Variants in YIPF3 observed in about 807,000 individuals in gnomAD.
YIPF3 encodes Yip1 domain family member 3.
Under a neutral mutation model 40.3 loss-of-function variants are expected in YIPF3, and 18 were observed. That is an observed-to-expected ratio of 0.45 (90% CI 0.31 to 0.66). The LOEUF (loss-of-function observed/expected upper bound fraction) is 0.66, where lower values mean the gene tolerates loss of function less well. YIPF3 is among the 30% of genes least tolerant of loss of function. YIPF3 has a pLI of 0.07. For missense variants in YIPF3, 406 were observed against 452.2 expected, an observed-to-expected ratio of 0.90 and a Z score of 0.93; for synonymous variants, 190 against 179.6, an observed-to-expected ratio of 1.06 and a Z score of -0.46.
At chr6:43,513,493 C>T in intron 4 of YIPF3, 42 bp from the exon 5 acceptor site, 1 of 1,613,502 alleles carries the variant, frequency 6.2e-7, no homozygotes. Flanking sequence ...GGTACAACAG[C>T]TCATCTGTTT....
chr6:43,516,649 C>T lies in YIPF3; in HGVS notation c.81+78G>A, dbSNP rs552499418. 3.1e-5 allele frequency: 47 copies of T among 1,540,236 alleles called. No individual in the cohort carries two copies. The African/African-American group carries it at 6.2e-4, about 20-fold the overall frequency. On this transcript the variant is annotated intron_variant, in intron 1 of 8. Transcript: ENST00000372422. ...TGTAAATGGAGCGGACTTCCAGGCC[C>T]AGAGGGGGAATCCCCAAGACACTTC...
chr6:43,513,075 T>A lies in YIPF3; in HGVS notation c.660A>T (p.Ala220=). 1 of 1,613,992 alleles carries A rather than the reference T, an allele frequency of 6.2e-7. No homozygotes were observed. The highest frequency in any genetic ancestry group is 1.1e-5 in the South Asian group (1 of 91,084). The part of the protein sequence containing the change: ...NAQITMLQML[A]LLGYGLFGHC... ...ACCACACCTGGCTCCTTACCAGCAG[T>A]GCCAACATCTGCAGCATGGTGATCT... Residue 220 remains alanine (A), a synonymous_variant, in exon 6 of 9, where the codon GCA becomes GCT. Coordinates refer to ENST00000372422, the MANE Select transcript of YIPF3 (RefSeq NM_015388.4).
At chr6:43,514,432 G>T (rs1245534093) in intron 3 of YIPF3, among the ~76,000 whole-genome samples, 1 of 152,154 alleles carries the variant, frequency 6.6e-6, no homozygotes, top group African/African-American at 2.4e-5. Flanking sequence ...AGGCACTTTC[G>T]AGTATTTTCT....
chr6:43,515,445 T>C (rs1582174738), intron 3 of YIPF3, 150 bp downstream of exon 3: 2 of 752,248 alleles, frequency 2.7e-6, no homozygotes, highest in Admixed American at 4.0e-5. Context: ...TGTGCTATTA[T>C]TACTTGTTTC....
rs1301942070 is a variant in YIPF3, at chr6:43,512,892, G to A, written c.667-18C>T. 11 of 1,610,328 alleles carry A rather than the reference G, an allele frequency of 6.8e-6. No individual in the cohort carries two copies. Among genetic ancestry groups the A allele is most frequent in the African/African-American group, 1.3e-5 (1 of 74,836 alleles). On this transcript the variant is annotated intron_variant, in intron 6 of 8. Transcript: ENST00000372422. ...CCATAGCCCTGGGAAGGAGGATGGTGGAGAGGAAAATCATTCAGGTTGGGC... is the reference window on the plus strand; with the variant it reads ...CCATAGCCCTGGGAAGGAGGATGGTAGAGAGGAAAATCATTCAGGTTGGGC...
At chr6:43,514,633 G>A (rs939639016) in intron 3 of YIPF3, among the ~76,000 whole-genome samples, 4 of 152,154 alleles carry the variant, frequency 2.6e-5, no homozygotes, top group Non-Finnish European at 5.9e-5. Context: ...GTACTGTACT[G>A]TAACTGCACT....
intron 3 of YIPF3, 82 bp downstream of exon 3, chr6:43,515,513 G>GC: frequency 4.8e-6 from 7 of 1,445,314 alleles, no homozygotes; most frequent in Non-Finnish European, 6.8e-6. Context: ...GCCCATCAGA[G>GC]CCCAGGGCTT....
intron 1 of YIPF3, 107 bp downstream of exon 1, chr6:43,516,620 G>GTT: frequency 7.4e-7 from 1 of 1,351,268 alleles, no homozygotes. Flanking sequence ...AAAGAAGAGA[G>GTT]TTTTGTAAAT....
chr6:43,516,338 A>C, intron 1 of YIPF3: 1 of 906,136 alleles, frequency 1.1e-6, no homozygotes, highest in African/African-American at 1.7e-5. Context: ...TATGTTACCT[A>C]TCAAAGACTA....
At chr6:43,512,939 G>A (rs1010102055) in intron 6 of YIPF3, 65 bp from the exon 7 acceptor site, 66 of 1,594,360 alleles carry the variant, frequency 4.1e-5, no homozygotes, top group Middle Eastern at 3.6e-4. Context: ...CCCTCATGGG[G>A]ACCCTGGGAA....
intron 3 of YIPF3, among the ~76,000 whole-genome samples, chr6:43,514,392 C>T (rs753559537): frequency 3.3e-5 from 5 of 152,214 alleles, no homozygotes; most frequent in African/African-American, 7.2e-5. Context: ...ATAGTAAAAA[C>T]GCCTCCTCTT....
chr6:43,512,547 G>C lies in YIPF3; in HGVS notation c.797C>G (p.Ser266Cys). ...CCGCTGTGTGGGGCCCACGGTCCGA[G>C]ACACCAACACTGCTACCTAGGACCA... ...STLRMVAVLV[S>C]RTVGPTQRLL... Residue 266 changes from serine to cysteine, a missense_variant, in exon 8 of 9, where the codon TCT becomes TGT. Coordinates refer to ENST00000372422, the MANE Select transcript of YIPF3 (RefSeq NM_015388.4). 1 of 1,611,666 alleles carries C rather than the reference G, an allele frequency of 6.2e-7. No individual in the cohort carries two copies. The highest frequency in any genetic ancestry group is 1.1e-5 in the South Asian group (1 of 90,780).
chr6:43,512,033 G>A lies in YIPF3; in HGVS notation c.*134C>T, dbSNP rs1792678532. On this transcript the variant is annotated 3_prime_UTR_variant, in exon 9 of 9. Transcript: ENST00000372422. Reference sequence around the variant, plus strand: ...CAGAAGTGCCGACAGGCATCAAGGAGGTACTTACGCAGCTACAGCTCAGTG... The same window carrying A: ...CAGAAGTGCCGACAGGCATCAAGGAAGTACTTACGCAGCTACAGCTCAGTG... 1 of 1,385,094 alleles carries A rather than the reference G, an allele frequency of 7.2e-7. No homozygotes were observed. Among genetic ancestry groups the A allele is most frequent in the South Asian group, 1.3e-5 (1 of 74,216 alleles). The allele number at this position is 1,385,094 out of a possible 1,614,324, so 85.8% of individuals were successfully genotyped here. A position where few individuals can be genotyped will look rare whatever the true frequency, so the allele number is the denominator to read the frequency against.
intron 1 of YIPF3, 168 bp downstream of exon 1, chr6:43,516,559 G>T: frequency 1.3e-6 from 1 of 782,848 alleles, no homozygotes; most frequent in Non-Finnish European, 2.0e-6. Context: ...TAGTAGTCTG[G>T]CCCTTTCAGG....
chr6:43,514,732 G>A (rs1329596233), intron 3 of YIPF3, among the ~76,000 whole-genome samples: 1 of 152,200 alleles, frequency 6.6e-6, no homozygotes, highest in African/African-American at 2.4e-5. Context: ...ATAAATACCT[G>A]CTGAGTGGTC....
chr6:43,515,934 G>A lies in YIPF3; in HGVS notation c.243C>T (p.Gly81=), dbSNP rs771202461. The A allele has an allele frequency of 7.4e-6, 12 of 1,612,666 alleles. No individual in the cohort carries two copies. Among genetic ancestry groups the A allele is most frequent in the Admixed American group, 1.7e-5 (1 of 59,756 alleles). Residue 81 remains glycine (G), a synonymous_variant, in exon 2 of 9, where the codon GGC becomes GGT. Coordinates refer to ENST00000372422, the MANE Select transcript of YIPF3 (RefSeq NM_015388.4). ...AAEEEDGEFL[G]MKGFKGQLSR... is the part of the protein sequence containing the mutation. Reference sequence around the variant, plus strand: ...TCAGCTGTCCCTTAAAGCCCTTCATGCCCAGGAACTCTCCATCCTCCTCTT... The same window carrying A: ...TCAGCTGTCCCTTAAAGCCCTTCATACCCAGGAACTCTCCATCCTCCTCTT...
Position 43,516,686 on chromosome 6 carries a change from G to A in YIPF3, c.81+41C>T, listed in dbSNP as rs181856524. ...CCCCAAGACACTTCTGGACATCGCC[G>A]GCCCTCCGGCTGCTGGCAGCTGGTG... On this transcript the variant is annotated intron_variant, in intron 1 of 8. Transcript: ENST00000372422. 2.5e-5 allele frequency: 40 copies of A among 1,606,564 alleles called. No homozygotes were observed. In the African/African-American group the frequency reaches 4.3e-4, roughly 17 times the overall value.
intron 1 of YIPF3, 141 bp from the exon 2 acceptor site, chr6:43,516,236 C>T: frequency 6.8e-7 from 1 of 1,471,472 alleles, no homozygotes; most frequent in Non-Finnish European, 9.0e-7. Context: ...CACTCCATTC[C>T]CCCTCATATG....
intron 1 of YIPF3, chr6:43,516,398 C>T (rs1323773612): frequency 1.8e-5 from 12 of 652,670 alleles, no homozygotes; most frequent in Non-Finnish European, 2.8e-5. Flanking sequence ...CCAAACAAAA[C>T]TATACACATA....
Sources: gnomAD v4.1 joint callset for allele counts (sites outside exome capture counted in the v4.1 genomes callset) on GRCh38, gnomAD v4.1.1 for gene constraint, MANE v1.5 for transcripts, NCBI Gene and HGNC (gene_info 2026-07-23, HGNC 2026-07-21) for gene names.